Variants in GNA13 observed in about 807,000 individuals in gnomAD.
The protein encoded by GNA13 is G protein subunit alpha 13.
Under a neutral mutation model 33.5 loss-of-function variants are expected in GNA13, and 4 were observed. That is an observed-to-expected ratio of 0.12 (90% CI 0.06 to 0.27). The LOEUF is 0.27. Ranked by LOEUF, GNA13 falls within the 10% of genes least tolerant of loss-of-function variation. GNA13 has a pLI of 1.00. For missense variants in GNA13, 319 were observed against 487.2 expected (o/e 0.65, Z 3.25); for synonymous variants, 176 against 183.8 (o/e 0.96, Z 0.34).
At chr17:65,053,396 T>C (rs981428197) in intron 2 of GNA13, 106 bp downstream of exon 2, 5 of 726,264 alleles carry the variant, frequency 6.9e-6, no homozygotes, top group Non-Finnish European at 1.2e-5. Flanking sequence ...TCTCAAATAC[T>C]TTTAGATTTG....
intron 2 of GNA13, among the ~76,000 whole-genome samples, chr17:65,028,387 C>T (rs547841224): frequency 2.2e-5 from 3 of 136,114 alleles, no homozygotes; most frequent in Admixed American, 8.4e-5. Context: ...CCAACCTGAG[C>T]GACAGAGTGA....
intron 3 of GNA13, among the ~76,000 whole-genome samples, chr17:65,016,951 T>A (rs1399765574): frequency 6.6e-6 from 1 of 152,208 alleles, no homozygotes; most frequent in Non-Finnish European, 1.5e-5. Flanking sequence ...TACATTAACA[T>A]TCCCCTACTA....
intron 2 of GNA13, among the ~76,000 whole-genome samples, chr17:65,023,497 A>G (rs982682940): frequency 2.0e-5 from 3 of 152,210 alleles, no homozygotes; most frequent in African/African-American, 7.2e-5. Flanking sequence ...TGAACGCTGA[A>G]TGGTTTCGGA....
Position 65,027,154 on chromosome 17 carries a change from T to C in GNA13, c.511-8851A>G, listed in dbSNP as rs145675482. On this transcript the variant is annotated intron_variant, in intron 2 of 3. Coordinates refer to ENST00000439174, the MANE Select transcript of GNA13 (RefSeq NM_006572.6). ...GAAACCATTTTATGAAAATCTAGTTTACTGACTTCCTAATAATTTTTCTAC... is the reference window on the plus strand; with the variant it reads ...GAAACCATTTTATGAAAATCTAGTTCACTGACTTCCTAATAATTTTTCTAC... Among the ~76,000 whole-genome samples, 16 of 152,332 alleles carry C rather than the reference T, an allele frequency of 1.1e-4. No individual in the cohort carries two copies. In the East Asian group the frequency reaches 3.1e-3, roughly 29 times the overall value.
In GNA13 at chr17:65,010,499, A is replaced by AAAAACAAAAC. The variant is rs769153869; in HGVS notation, c.*3748_*3757dup. On this transcript the variant is annotated 3_prime_UTR_variant, in exon 4 of 4. Coordinates refer to ENST00000439174, the MANE Select transcript of GNA13 (RefSeq NM_006572.6). Reference sequence around the variant, plus strand: ...AAAGCCACCCTGTATCCTATCATTAAAAAACAAAACAAAACAAAACAAAAC... The same window carrying AAAAACAAAAC: ...AAAGCCACCCTGTATCCTATCATTAAAAAACAAAACAAAACAAAACAAAACAAAACAAAAC... Among the ~76,000 whole-genome samples the AAAAACAAAAC allele has an allele frequency of 6.6e-6, 1 of 152,078 alleles. No individual in the cohort carries two copies. Among genetic ancestry groups the AAAAACAAAAC allele is most frequent in the African/African-American group, 2.4e-5 (1 of 41,382 alleles).
intron 2 of GNA13, among the ~76,000 whole-genome samples, chr17:65,042,588 T>C (rs1212904628): frequency 6.6e-6 from 1 of 151,680 alleles, no homozygotes; most frequent in Non-Finnish European, 1.5e-5. Context: ...AATACAAAAA[T>C]TAGCCGGGCA....
intron 2 of GNA13, among the ~76,000 whole-genome samples, chr17:65,047,447 C>G (rs1257432911): frequency 6.6e-6 from 1 of 152,078 alleles, no homozygotes; most frequent in Non-Finnish European, 1.5e-5. Context: ...TATATATAAT[C>G]TTTATTTTAG....
intron 2 of GNA13, among the ~76,000 whole-genome samples, chr17:65,046,658 G>A (rs1320169273): frequency 6.6e-6 from 1 of 152,136 alleles, no homozygotes; most frequent in Non-Finnish European, 1.5e-5. Context: ...TCAATCCAAG[G>A]AGTCCTTTGG....
At chr17:65,053,962 C>T (rs1203887404) in intron 1 of GNA13, among the ~76,000 whole-genome samples, 1 of 152,178 alleles carries the variant, frequency 6.6e-6, no homozygotes, top group Non-Finnish European at 1.5e-5. Flanking sequence ...CACAATTCCT[C>T]TCTCTGAAGG....
intron 2 of GNA13, among the ~76,000 whole-genome samples, chr17:65,035,009 G>A (rs1045569043): frequency 1.4e-4 from 22 of 151,820 alleles, no homozygotes; most frequent in Admixed American, 6.6e-4. Flanking sequence ...GGTCTTGAAC[G>A]CCCGACCTCA....
At chr17:65,044,044 C>T (rs528755433) in intron 2 of GNA13, among the ~76,000 whole-genome samples, 1 of 152,280 alleles carries the variant, frequency 6.6e-6, no homozygotes, top group East Asian at 1.9e-4. Flanking sequence ...GTTGCTTGAG[C>T]TGGGGAGGTC....
In GNA13 at chr17:65,009,855, A is replaced by G. The variant is rs1409174606; in HGVS notation, c.*4402T>C. The stretch of plus-strand genomic sequence containing the variant: ...TACCATCAAACAGGCATGATTAAGG[A>G]CAATTTCTCACTTACTATGGCAAAA... On this transcript the variant is annotated 3_prime_UTR_variant, in exon 4 of 4. Coordinates refer to ENST00000439174, the MANE Select transcript of GNA13 (RefSeq NM_006572.6). Among the ~76,000 whole-genome samples the G allele has an allele frequency of 2.0e-5, 3 of 152,208 alleles. No homozygotes were observed. The highest frequency in any genetic ancestry group is 7.2e-5 in the African/African-American group (3 of 41,458).
chr17:65,039,612 G>A (rs1907384341), intron 2 of GNA13, among the ~76,000 whole-genome samples: 1 of 152,136 alleles, frequency 6.6e-6, no homozygotes, highest in African/African-American at 2.4e-5. Context: ...CTCCTTTCCT[G>A]GAGGACTTTC....
chr17:65,055,419 A>T (rs532394352), intron 1 of GNA13, among the ~76,000 whole-genome samples: 81 of 152,322 alleles, frequency 5.3e-4, no homozygotes, highest in African/African-American at 1.9e-3. Flanking sequence ...ATCTAACTCA[A>T]CACTCATTCA....
At chr17:65,018,354 C>A in intron 2 of GNA13, 51 bp from the exon 3 acceptor site, 2 of 908,440 alleles carry the variant, frequency 2.2e-6, no homozygotes, top group South Asian at 1.3e-5. Context: ...AATGGAAGAT[C>A]TTGTTACAAC....
At chr17:65,015,733 A>G (rs1449205500) in intron 3 of GNA13, among the ~76,000 whole-genome samples, 2 of 150,012 alleles carry the variant, frequency 1.3e-5, no homozygotes, top group African/African-American at 2.4e-5. Context: ...ATCACTTCCC[A>G]GTTCCAAGTT....
intron 2 of GNA13, among the ~76,000 whole-genome samples, chr17:65,028,517 C>T (rs1229726824): frequency 6.6e-6 from 1 of 151,652 alleles, no homozygotes; most frequent in African/African-American, 2.4e-5. Flanking sequence ...TTGCAAGAAC[C>T]ACTGTAATTA....
chr17:65,020,507 C>A (rs1320404945), intron 2 of GNA13, among the ~76,000 whole-genome samples: 1 of 152,176 alleles, frequency 6.6e-6, no homozygotes, highest in Non-Finnish European at 1.5e-5. Flanking sequence ...GTGACTCATT[C>A]AAGCGGTGTT....
intron 2 of GNA13, among the ~76,000 whole-genome samples, chr17:65,024,990 G>A (rs546339059): frequency 2.0e-5 from 3 of 152,150 alleles, no homozygotes; most frequent in South Asian, 2.1e-4. Flanking sequence ...TTGACCACCC[G>A]GGCTCAGGTG....
Sources: allele counts gnomAD v4.1 joint callset (sites outside exome capture counted in the v4.1 genomes callset), GRCh38; gene constraint gnomAD v4.1.1; transcripts MANE v1.5; gene names NCBI Gene and HGNC (gene_info 2026-07-23, HGNC 2026-07-21).